The following ITSN1 variants were observed in gnomAD, a reference collection of about 807,000 sequenced individuals.
ITSN1 encodes the protein intersectin 1.
A neutral mutation model predicts 239.8 loss-of-function variants in ITSN1; 58 were observed. The ratio of observed to expected loss-of-function variants is 0.24; its 90% CI spans 0.20 to 0.30. ITSN1 has a LOEUF of 0.30. Among genes scored for constraint, ITSN1 ranks in the 10% least tolerant of loss-of-function variants. The pLI is 1.00. For missense variants in ITSN1, 1,558 were observed against 2,103.3 expected, an observed-to-expected ratio of 0.74 and a Z score of 5.07; for synonymous variants, 780 against 770.8, an observed-to-expected ratio of 1.01 and a Z score of -0.20.
intron 1 of ITSN1, among the ~76,000 whole-genome samples, chr21:33,715,923 TAAATA>T (rs1601803525): frequency 6.6e-6 from 1 of 151,964 alleles, no homozygotes; most frequent in East Asian, 1.9e-4. Flanking sequence ...TCTCAATAAA[TAAATA>T]AAATAATAAA....
intron 1 of ITSN1, among the ~76,000 whole-genome samples, chr21:33,714,881 A>G (rs2065049118): frequency 6.6e-6 from 1 of 152,196 alleles, no homozygotes; most frequent in South Asian, 2.1e-4. Context: ...AAAGAATAAC[A>G]TGCATATATG....
chr21:33,858,092 T>C (rs1435343049), intron 30 of ITSN1, among the ~76,000 whole-genome samples: 1 of 152,078 alleles, frequency 6.6e-6, no homozygotes, highest in Non-Finnish European at 1.5e-5. Flanking sequence ...GAGGGGCTCA[T>C]TCATTTTCCA....
At chr21:33,647,580 A>G (rs980680082) in intron 1 of ITSN1, among the ~76,000 whole-genome samples, 10 of 152,082 alleles carry the variant, frequency 6.6e-5, no homozygotes, top group Non-Finnish European at 1.3e-4. Flanking sequence ...ACTGCAACCT[A>G]CGCTTCCCAG....
intron 35 of ITSN1, 113 bp from the exon 36 acceptor site, chr21:33,883,437 T>A (rs546860175): frequency 1.2e-4 from 171 of 1,424,984 alleles, no homozygotes; most frequent in Admixed American, 2.3e-4. Context: ...ACGCGCTGAC[T>A]TGCAGTCTCG....
At chr21:33,805,019 C>A (rs2072303021) in intron 20 of ITSN1, among the ~76,000 whole-genome samples, 2 of 152,198 alleles carry the variant, frequency 1.3e-5, no homozygotes, top group Non-Finnish European at 2.9e-5. Context: ...TGAATGCATC[C>A]AGATTGCTGA....
At chr21:33,698,628 A>G (rs977278735) in intron 1 of ITSN1, among the ~76,000 whole-genome samples, 1 of 152,202 alleles carries the variant, frequency 6.6e-6, no homozygotes, top group African/African-American at 2.4e-5. Flanking sequence ...ACATGACAAT[A>G]GGGCATTGAT....
chr21:33,832,174 C>G (rs1316258951), intron 27 of ITSN1, among the ~76,000 whole-genome samples: 1 of 152,146 alleles, frequency 6.6e-6, no homozygotes, highest in Non-Finnish European at 1.5e-5. Context: ...GCCTTGCTGC[C>G]TTTGTTCATG....
At chr21:33,678,714 T>G (rs2090746937) in intron 1 of ITSN1, among the ~76,000 whole-genome samples, 1 of 152,144 alleles carries the variant, frequency 6.6e-6, no homozygotes, top group Non-Finnish European at 1.5e-5. Flanking sequence ...GTTGTTGTTG[T>G]TTTGGAGGGG....
At chr21:33,681,527 CG>C (rs1568925427) in intron 1 of ITSN1, among the ~76,000 whole-genome samples, 2 of 150,966 alleles carry the variant, frequency 1.3e-5, no homozygotes, top group East Asian at 2.0e-4. Context: ...CCAGCCTGGG[CG>C]ACAGAGTGAG....
chr21:33,712,276 T>C (rs2092438643), intron 1 of ITSN1, among the ~76,000 whole-genome samples: 1 of 152,198 alleles, frequency 6.6e-6, no homozygotes, highest in Non-Finnish European at 1.5e-5. Flanking sequence ...GTGAGTTTCA[T>C]GTTGTATAGA....
chr21:33,794,834 C>T (rs909979959), intron 17 of ITSN1, among the ~76,000 whole-genome samples: 4 of 152,168 alleles, frequency 2.6e-5, no homozygotes, highest in Non-Finnish European at 4.4e-5. Context: ...GAGCTAGTGC[C>T]CCACACAGGG....
At chr21:33,881,029 C>T (rs2300384) in intron 34 of ITSN1, among the ~76,000 whole-genome samples, 36,526 of 151,792 alleles carry the variant, frequency 0.24, 4,678 homozygotes, top group East Asian at 0.39. Context: ...TGTTCCCTTC[C>T]TGTTTGCTGA....
chr21:33,696,690 T>C (rs1355369482), intron 1 of ITSN1, among the ~76,000 whole-genome samples: 1 of 152,234 alleles, frequency 6.6e-6, no homozygotes, highest in Admixed American at 6.5e-5. Flanking sequence ...GGCTTAAAAA[T>C]CTGGCAGGAG....
intron 8 of ITSN1, among the ~76,000 whole-genome samples, chr21:33,757,717 T>G (rs2068023101): frequency 6.6e-6 from 1 of 152,186 alleles, no homozygotes; most frequent in South Asian, 2.1e-4. Flanking sequence ...AGCAGTTCAC[T>G]CAGCTGCAGG....
At chr21:33,812,764 G>A (rs534800917) in intron 21 of ITSN1, among the ~76,000 whole-genome samples, 30 of 152,238 alleles carry the variant, frequency 2.0e-4, no homozygotes, top group African/African-American at 5.1e-4. Flanking sequence ...CTCCCAAAGC[G>A]CTGGGATTAG....
chr21:33,736,271 G>A (rs945646158), intron 5 of ITSN1, among the ~76,000 whole-genome samples: 3 of 152,138 alleles, frequency 2.0e-5, no homozygotes, highest in African/African-American at 4.8e-5. Flanking sequence ...AATAGATTTC[G>A]GAGGGGGCAG....
At chr21:33,697,312 C>G (rs1471158811) in intron 1 of ITSN1, among the ~76,000 whole-genome samples, 1 of 146,324 alleles carries the variant, frequency 6.8e-6, no homozygotes, top group Non-Finnish European at 1.5e-5. Context: ...AAACTCCTAA[C>G]CTCAGGTGAT....
intron 26 of ITSN1, chr21:33,829,363 TG>T: frequency 2.3e-6 from 1 of 439,918 alleles, no homozygotes; most frequent in East Asian, 4.3e-5. Flanking sequence ...GGAGGGAAGT[TG>T]GTAAGTAAGT....
intron 1 of ITSN1, among the ~76,000 whole-genome samples, chr21:33,673,292 T>C (rs973318897): frequency 3.3e-5 from 5 of 152,126 alleles, no homozygotes; most frequent in African/African-American, 9.7e-5. Flanking sequence ...TGCAGTTACA[T>C]AGGATGAATA....
Sources: gnomAD v4.1 joint callset for allele counts (sites outside exome capture counted in the v4.1 genomes callset) on GRCh38, gnomAD v4.1.1 for gene constraint, MANE v1.5 for transcripts, NCBI Gene and HGNC (gene_info 2026-07-23, HGNC 2026-07-21) for gene names.